The following FOXP1 variants were observed in gnomAD, a reference collection of about 807,000 sequenced individuals.
FOXP1 encodes the protein forkhead box protein P1.
Under a neutral mutation model 98.2 loss-of-function variants are expected in FOXP1, and 15 were observed. The observed-to-expected ratio is 0.15, with a 90% CI of 0.10 to 0.24. FOXP1 has a LOEUF of 0.24. Ranked by LOEUF, FOXP1 falls within the 10% of genes least tolerant of loss-of-function variation. The pLI is 1.00. For missense variants in FOXP1, 633 were observed against 848.5 expected (o/e 0.75, Z 3.15); for synonymous variants, 371 against 314.5 (o/e 1.18, Z -1.90).
At chr3:71,581,340 A>C in intron 2 of FOXP1, 1 of 985,444 alleles carries the variant, frequency 1.0e-6, no homozygotes, top group Non-Finnish European at 1.2e-6. Flanking sequence ...TTTCAGATTT[A>C]GGAAAGAAAG....
intron 3 of FOXP1, among the ~76,000 whole-genome samples, chr3:71,377,787 C>T (rs533740429): frequency 6.6e-6 from 1 of 152,126 alleles, no homozygotes; most frequent in Non-Finnish European, 1.5e-5. Flanking sequence ...GCTGGTAACA[C>T]GAAGACATTA....
chr3:71,270,970 C>A (rs1156498878), intron 5 of FOXP1, among the ~76,000 whole-genome samples: 1 of 152,236 alleles, frequency 6.6e-6, no homozygotes, highest in Non-Finnish European at 1.5e-5. Flanking sequence ...GTGGCTCACG[C>A]CTGTAATTCC....
At chr3:70,970,897 C>G in intron 18 of FOXP1, 92 bp from the exon 19 acceptor site, 1 of 957,340 alleles carries the variant, frequency 1.0e-6, no homozygotes, top group Non-Finnish European at 1.7e-6. Flanking sequence ...GGTGCCCTTC[C>G]AAATGAGCAA....
chr3:71,072,063 T>C (rs1343643949), intron 7 of FOXP1, among the ~76,000 whole-genome samples: 1 of 152,212 alleles, frequency 6.6e-6, no homozygotes, highest in Non-Finnish European at 1.5e-5. Flanking sequence ...GACTCATGCC[T>C]GTAATCCCAC....
At chr3:71,479,970 G>T (rs2090144605) in intron 3 of FOXP1, among the ~76,000 whole-genome samples, 1 of 152,090 alleles carries the variant, frequency 6.6e-6, no homozygotes, top group African/African-American at 2.4e-5. Flanking sequence ...GGATTAGGCA[G>T]GCAGATCACG....
At chr3:71,488,458 T>C (rs2090826492) in intron 3 of FOXP1, among the ~76,000 whole-genome samples, 1 of 152,204 alleles carries the variant, frequency 6.6e-6, no homozygotes, top group South Asian at 2.1e-4. Flanking sequence ...GAACACCTCC[T>C]GCTGCTTATG....
intron 14 of FOXP1, among the ~76,000 whole-genome samples, chr3:70,985,617 A>G (rs947509809): frequency 3.3e-5 from 5 of 152,168 alleles, no homozygotes; most frequent in African/African-American, 9.7e-5. Flanking sequence ...TACTTCTTAC[A>G]TGTAAGTTAA....
chr3:71,550,896 C>T (rs1426548966), intron 2 of FOXP1, among the ~76,000 whole-genome samples: 1 of 152,250 alleles, frequency 6.6e-6, no homozygotes, highest in Non-Finnish European at 1.5e-5. Flanking sequence ...ACAGAAGGCA[C>T]TCTCTGCGGC....
At chr3:71,250,810 A>G (rs2068125392) in intron 5 of FOXP1, among the ~76,000 whole-genome samples, 1 of 152,136 alleles carries the variant, frequency 6.6e-6, no homozygotes, top group Non-Finnish European at 1.5e-5. Flanking sequence ...GCACGCCTGT[A>G]ATCCCAGCTA....
chr3:71,297,048 C>T (rs570641903), intron 5 of FOXP1, among the ~76,000 whole-genome samples: 1 of 152,284 alleles, frequency 6.6e-6, no homozygotes, highest in East Asian at 1.9e-4. Context: ...TACCCAGCCT[C>T]AGGTATTCCT....
At chr3:71,352,532 A>ATCCT (rs2077867389) in intron 4 of FOXP1, among the ~76,000 whole-genome samples, 2 of 151,464 alleles carry the variant, frequency 1.3e-5, no homozygotes, top group Non-Finnish European at 1.5e-5. Flanking sequence ...CTAGGTCCAG[A>ATCCT]TCCTACTTTG....
chr3:71,151,711 A>G (rs1428076497), intron 6 of FOXP1, among the ~76,000 whole-genome samples: 7 of 141,172 alleles, frequency 5.0e-5, no homozygotes, highest in Non-Finnish European at 1.5e-5. Context: ...TTTTTTGGTC[A>G]TACCTTGCAC....
intron 2 of FOXP1, chr3:71,580,828 A>C: frequency 1.0e-6 from 1 of 985,436 alleles, no homozygotes; most frequent in Non-Finnish European, 1.2e-6. Context: ...CCAATGGTGA[A>C]GTGTAGACGG....
At chr3:71,451,539 T>C (rs895369562) in intron 3 of FOXP1, among the ~76,000 whole-genome samples, 22 of 152,200 alleles carry the variant, frequency 1.4e-4, no homozygotes, top group Non-Finnish European at 2.9e-4. Flanking sequence ...AAATGAGTTT[T>C]TTTTTTAACA....
intron 5 of FOXP1, among the ~76,000 whole-genome samples, chr3:71,295,922 C>G (rs534981553): frequency 6.6e-6 from 1 of 152,266 alleles, no homozygotes; most frequent in South Asian, 2.1e-4. Context: ...TTATCATCAA[C>G]GGGACCGTTT....
chr3:71,130,456 T>G (rs1205273019), intron 6 of FOXP1: 1 of 1,588,270 alleles, frequency 6.3e-7, no homozygotes, highest in Non-Finnish European at 8.5e-7. Flanking sequence ...GTTTAAAAGT[T>G]TAACCCAGCA....
At chr3:71,555,731 T>C (rs1468133322) in intron 2 of FOXP1, among the ~76,000 whole-genome samples, 1 of 152,158 alleles carries the variant, frequency 6.6e-6, no homozygotes, top group Non-Finnish European at 1.5e-5. Flanking sequence ...AAAAAGTGCA[T>C]GGAAATAAGC....
intron 6 of FOXP1, among the ~76,000 whole-genome samples, chr3:71,158,652 A>G (rs2060972992): frequency 6.6e-6 from 1 of 151,888 alleles, no homozygotes; most frequent in Non-Finnish European, 1.5e-5. Flanking sequence ...AAAGGACTCC[A>G]AATTAACATA....
intron 2 of FOXP1, among the ~76,000 whole-genome samples, chr3:71,513,493 C>A (rs1436465031): frequency 6.6e-6 from 1 of 152,206 alleles, no homozygotes; most frequent in Non-Finnish European, 1.5e-5. Context: ...AGCTTCCTAA[C>A]AGGACTCCCT....
Sources: allele counts gnomAD v4.1 joint callset (sites outside exome capture counted in the v4.1 genomes callset), GRCh38; gene constraint gnomAD v4.1.1; transcripts MANE v1.5; gene names NCBI Gene and HGNC (gene_info 2026-07-23, HGNC 2026-07-21).